Variants in KLHL14 observed in about 807,000 individuals in gnomAD.
The protein encoded by KLHL14 is kelch like family member 14.
A neutral mutation model predicts 64.3 loss-of-function variants in KLHL14; 22 were observed. The observed-to-expected ratio is 0.34, with a 90% CI of 0.24 to 0.49. The LOEUF (loss-of-function observed/expected upper bound fraction) is 0.49, where lower values mean the gene tolerates loss of function less well. KLHL14 is among the 20% of genes least tolerant of loss of function. The pLI is 0.99. For missense variants in KLHL14, 661 were observed against 789.0 expected (o/e 0.84, Z 1.94); for synonymous variants, 322 against 333.4 (o/e 0.97, Z 0.37).
At chr18:32,748,652 CT>C (rs34896902) in intron 2 of KLHL14, among the ~76,000 whole-genome samples, 114,498 of 132,960 alleles carry the variant, frequency 0.86, 49,371 homozygotes, top group East Asian at 0.92. Context: ...CCGCACCAGG[CT>C]TTTTTTTTTT....
rs1225103757 is a variant in KLHL14 at position 32,754,494 on chromosome 18, A to G, written c.948-12445T>C. On this transcript the variant is annotated intron_variant, in intron 2 of 8. Coordinates refer to ENST00000359358, the MANE Select transcript of KLHL14 (RefSeq NM_020805.3). ...TTTCCACTAAAATTATATCTCTGAG[A>G]GAGTGAGACATAATGGTAGAAATGA... 2.0e-5 allele frequency among the ~76,000 whole-genome samples: 3 copies of G among 152,374 alleles called. No homozygotes were observed. In the East Asian group the frequency reaches 5.8e-4, roughly 29 times the overall value.
intron 4 of KLHL14, among the ~76,000 whole-genome samples, chr18:32,690,694 A>C (rs937063655): frequency 6.6e-6 from 1 of 152,162 alleles, no homozygotes; most frequent in African/African-American, 2.4e-5. Flanking sequence ...GCACCACTGC[A>C]CTCCAGCCTG....
At chr18:32,735,464 GT>G (rs1383288070) in intron 3 of KLHL14, among the ~76,000 whole-genome samples, 1 of 152,038 alleles carries the variant, frequency 6.6e-6, no homozygotes, top group Non-Finnish European at 1.5e-5. Context: ...TCTCCTATCT[GT>G]TTCCCCCTCA....
chr18:32,766,732 A>C (rs2050347684), intron 2 of KLHL14, among the ~76,000 whole-genome samples: 1 of 152,132 alleles, frequency 6.6e-6, no homozygotes, highest in South Asian at 2.1e-4. Flanking sequence ...TGGAATATGA[A>C]TTTAAGTGCA....
chr18:32,724,820 A>T (rs2050099113), intron 3 of KLHL14, among the ~76,000 whole-genome samples: 1 of 152,172 alleles, frequency 6.6e-6, no homozygotes. Flanking sequence ...CTAACTGTTT[A>T]AGTTTGGACA....
In KLHL14 at chr18:32,683,479, C is replaced by T. The variant is rs1238136841; in HGVS notation, c.1239-2880G>A. ...TAAAATCTTCCCATACCAGGTCTCT[C>T]TTGACAATGCTCCCTGCCCCTCTTC... is the stretch of plus-strand genomic sequence containing the variant. On this transcript the variant is annotated intron_variant, in intron 5 of 8. Coordinates refer to ENST00000359358, the MANE Select transcript of KLHL14 (RefSeq NM_020805.3). This position sits in a 1 kb window ranked among gnomAD's most constrained non-coding sequence, Gnocchi z 4.2. Among the ~76,000 whole-genome samples, 1 of 152,164 alleles carries T rather than the reference C, an allele frequency of 6.6e-6. No individual in the cohort carries two copies. Among genetic ancestry groups the T allele is most frequent in the Non-Finnish European group, 1.5e-5 (1 of 68,026 alleles).
intron 3 of KLHL14, among the ~76,000 whole-genome samples, chr18:32,715,124 G>A (rs904494674): frequency 2.6e-5 from 4 of 151,980 alleles, no homozygotes; most frequent in Non-Finnish European, 5.9e-5. Flanking sequence ...TGCTAATATT[G>A]TTAAAGATAG....
In KLHL14 at chr18:32,742,049, T is replaced by A; in HGVS notation, c.948A>T (p.Arg316Ser). The A allele has an allele frequency of 1.2e-6, 2 of 1,612,434 alleles. No homozygotes were observed. Among genetic ancestry groups the A allele is most frequent in the Non-Finnish European group, 1.7e-6 (2 of 1,179,636 alleles). ...RQHCRQSLASRIRSNKKMLLL... is the reference protein window; with the variant it reads ...RQHCRQSLASSIRSNKKMLLL... ...ACAGCATTTTCTTGTTAGAGCGAAT[T>A]CTTCACCCAAAACAAAAGAGGAGAT... The change falls in exon 3 of 9, where the codon AGA (arginine) becomes AGT (serine). Residue 316 changes from arginine to serine, a missense_variant and splice_region_variant. By Grantham distance (110) the Arg-to-Ser change is moderately radical. Around this residue, in one of 2 missense-constraint regions of KLHL14, gnomAD observed 330 missense variants for 450.0 expected, o/e 0.73. Transcript: ENST00000359358.
intron 8 of KLHL14, among the ~76,000 whole-genome samples, chr18:32,676,290 T>C (rs1477050327): frequency 2.0e-5 from 3 of 152,178 alleles, no homozygotes; most frequent in Non-Finnish European, 4.4e-5. Flanking sequence ...GGGTATTCTG[T>C]ATAACTGAAC....
intron 3 of KLHL14, among the ~76,000 whole-genome samples, chr18:32,697,150 C>T (rs1239661401): frequency 2.0e-5 from 3 of 152,152 alleles, no homozygotes; most frequent in African/African-American, 4.8e-5. Context: ...CTGTGAAAAA[C>T]GCTTTTACCT....
At chr18:32,769,371 G>A (rs1033080949) in intron 2 of KLHL14, among the ~76,000 whole-genome samples, 10 of 152,206 alleles carry the variant, frequency 6.6e-5, no homozygotes, top group African/African-American at 2.4e-4. Context: ...ATTTCAGTCT[G>A]AGTCCACAAT....
chr18:32,764,189 A>T lies in KLHL14; in HGVS notation c.947+5456T>A, dbSNP rs12327327. Among the ~76,000 whole-genome samples the T allele has an allele frequency of 5.4e-3, 820 of 152,236 alleles. 9 individuals carry two copies. The highest frequency in any genetic ancestry group is 0.019 in the African/African-American group (770 of 41,536). ...ATATACTCGCCTATTTTGATTTCCTACTCGAAATGATTAAAATATCATATA... is the reference window on the plus strand; with the variant it reads ...ATATACTCGCCTATTTTGATTTCCTTCTCGAAATGATTAAAATATCATATA... On this transcript the variant is annotated intron_variant, in intron 2 of 8. Transcript: ENST00000359358.
intron 3 of KLHL14, among the ~76,000 whole-genome samples, chr18:32,728,162 G>T (rs2050116926): frequency 6.6e-6 from 1 of 152,178 alleles, no homozygotes; most frequent in Non-Finnish European, 1.5e-5. Flanking sequence ...TGTTCAATTT[G>T]ATTCTGCATA....
At chr18:32,758,936 C>T (rs1052900657) in intron 2 of KLHL14, among the ~76,000 whole-genome samples, 2 of 151,950 alleles carry the variant, frequency 1.3e-5, no homozygotes, top group African/African-American at 4.8e-5. Flanking sequence ...GAAAGTCGGG[C>T]GGATGATGGT....
chr18:32,712,367 C>T (rs1335186916), intron 3 of KLHL14, among the ~76,000 whole-genome samples: 1 of 152,178 alleles, frequency 6.6e-6, no homozygotes, highest in Non-Finnish European at 1.5e-5. Flanking sequence ...CACAGCTTCC[C>T]TGCCTCATAC....
At chr18:32,681,018 G>A (rs2049836127) in intron 5 of KLHL14, among the ~76,000 whole-genome samples, 1 of 152,064 alleles carries the variant, frequency 6.6e-6, no homozygotes, top group African/African-American at 2.4e-5. Context: ...GGTCCTTCAA[G>A]GGTCATTGTT....
At position 32,683,899 on chromosome 18, in the gene KLHL14, TG is replaced by T. The variant is rs2049856685; in HGVS notation, c.1238+3255del. Among the ~76,000 whole-genome samples, 1 of 152,344 alleles carries T rather than the reference TG, an allele frequency of 6.6e-6. No individual in the cohort carries two copies. Among genetic ancestry groups the T allele is most frequent in the South Asian group, 2.1e-4 (1 of 4,832 alleles). On this transcript the variant is annotated intron_variant, in intron 5 of 8. Transcript: ENST00000359358. This position sits in a 1 kb window ranked among gnomAD's most constrained non-coding sequence, Gnocchi z 4.2. ...AAGAATATTGTCTCCCATTGTTTCT[TG>T]TAACACAAAATATTACTAGAAAAAC...
intron 3 of KLHL14, among the ~76,000 whole-genome samples, chr18:32,705,034 T>G (rs2049983465): frequency 2.6e-5 from 4 of 152,236 alleles, no homozygotes; most frequent in Admixed American, 2.6e-4. Context: ...GTTGCAGCAG[T>G]AAATGTCATT....
At position 32,770,606 on chromosome 18, in the gene KLHL14, G is replaced by T; in HGVS notation, c.-15C>A. The T allele has an allele frequency of 6.5e-7, 1 of 1,544,502 alleles. No individual in the cohort carries two copies. Among genetic ancestry groups the T allele is most frequent in the Non-Finnish European group, 8.7e-7 (1 of 1,148,320 alleles). ...GATCTGGACATGGCGAGCTGACTCG[G>T]TGCACCTGGCTTTAAACCCTCCTCC... On this transcript the variant is annotated 5_prime_UTR_variant, in exon 2 of 9. Transcript: ENST00000359358. This position sits in a 1 kb window ranked among gnomAD's most constrained non-coding sequence, Gnocchi z 6.7.
Sources: gnomAD v4.1 joint callset for allele counts (sites outside exome capture counted in the v4.1 genomes callset) on GRCh38, gnomAD v4.1.1 for gene constraint, gnomAD v4.1.1 regional missense constraint, Gnocchi (gnomAD v3.1) non-coding constraint, MANE v1.5 for transcripts, NCBI Gene and HGNC (gene_info 2026-07-23, HGNC 2026-07-21) for gene names.